Variants in EXD1 observed in about 807,000 individuals in gnomAD.
EXD1 encodes piRNA biogenesis protein EXD1.
A neutral mutation model predicts 49.1 loss-of-function variants in EXD1; 63 were observed. That is an observed-to-expected ratio of 1.28 (90% CI 1.05 to 1.58). The LOEUF is 1.58. EXD1 is among the 40% of genes most tolerant of loss of function. EXD1 has a pLI of 0.00. For synonymous variants in EXD1, 234 were observed against 239.2 expected, an observed-to-expected ratio of 0.98 and a Z score of 0.20; for missense variants, 748 against 666.0, an observed-to-expected ratio of 1.12 and a Z score of -1.36.
At chr15:41,204,180 G>A (rs186958156) in intron 7 of EXD1, among the ~76,000 whole-genome samples, 110 of 149,786 alleles carry the variant, frequency 7.3e-4, no homozygotes, top group African/African-American at 2.5e-3. Flanking sequence ...CCTGGGAGGC[G>A]GAGGTTGCAG....
chr15:41,214,290 C>T (rs1046770764), intron 6 of EXD1, among the ~76,000 whole-genome samples: 5 of 152,160 alleles, frequency 3.3e-5, no homozygotes, highest in Non-Finnish European at 5.9e-5. Context: ...ATAGGCAGAT[C>T]ACCTGAGGTC....
At chr15:41,208,951 T>C (rs1204121031) in intron 7 of EXD1, among the ~76,000 whole-genome samples, 9 of 151,060 alleles carry the variant, frequency 6.0e-5, no homozygotes. Flanking sequence ...ACAGCACTAA[T>C]GGCTTTAACA....
intron 1 of EXD1, among the ~76,000 whole-genome samples, chr15:41,229,321 T>C (rs1285735755): frequency 1.3e-5 from 2 of 151,814 alleles, no homozygotes; most frequent in African/African-American, 4.8e-5. Context: ...CTACTAAAAA[T>C]ACAAAAATTA....
intron 2 of EXD1, among the ~76,000 whole-genome samples, chr15:41,225,765 G>A (rs138648176): frequency 5.9e-5 from 9 of 151,870 alleles, no homozygotes; most frequent in African/African-American, 9.7e-5. Flanking sequence ...GTGTGTGCCC[G>A]TAATTCCAGC....
rs2047011584 is a variant in EXD1, at chr15:41,217,118, C to G, written c.239G>C (p.Arg80Thr). 3 of 1,612,416 alleles carry G rather than the reference C, an allele frequency of 1.9e-6. No individual in the cohort carries two copies. Among genetic ancestry groups the G allele is most frequent in the Non-Finnish European group, 2.5e-6 (3 of 1,179,886 alleles). ...LLDEVEQGSV[R>T]AKASSVSLHA... ...TTACCTAACAGAAGATGCTTTTGCT[C>G]TCACTGAGCCTTGTTCCACTTCATC... Residue 80 changes from arginine (R) to threonine (T), a missense_variant, in exon 4 of 12, where the codon AGA becomes ACA. Arg to Thr is a moderately conservative substitution (Grantham distance 71). Coordinates refer to ENST00000458580, the MANE Select transcript of EXD1 (RefSeq NM_001286441.2).
At chr15:41,203,920 A>AAAAAAAC (rs2046774994) in intron 7 of EXD1, among the ~76,000 whole-genome samples, 2 of 128,214 alleles carry the variant, frequency 1.6e-5, no homozygotes, top group African/African-American at 5.4e-5. Context: ...TCTCCTCAAA[A>AAAAAAAC]AAAAAAAAAA....
rs775248112 is a variant in EXD1 at position 41,189,972 on chromosome 15, G to A, written c.1021C>T (p.Arg341Cys). The A allele has an allele frequency of 1.4e-4, 218 of 1,613,946 alleles. 1 individual carries two copies. The highest frequency in any genetic ancestry group is 6.6e-4 in the Middle Eastern group (4 of 6,084). ...CCAAGCCGGTCTGCAGACCCTTCGCGATACGTGTTTAGGTAACCATCCACC... is the reference window on the plus strand; with the variant it reads ...CCAAGCCGGTCTGCAGACCCTTCGCAATACGTGTTTAGGTAACCATCCACC... ...TLVDGYLNTYREGSADRLGGT... is the reference protein window; with the variant it reads ...TLVDGYLNTYCEGSADRLGGT... Residue 341 changes from arginine to cysteine, a missense_variant, in exon 11 of 12, where the codon CGC becomes TGC. Coordinates refer to ENST00000458580, the MANE Select transcript of EXD1 (RefSeq NM_001286441.2).
chr15:41,189,942 T>G lies in EXD1; in HGVS notation c.1051A>C (p.Thr351Pro). The change falls in exon 11 of 12, where the codon ACT becomes CCT. Residue 351 changes from threonine to proline, a missense_variant. By Grantham distance (38) the Thr-to-Pro change is conservative. Coordinates refer to ENST00000458580, the MANE Select transcript of EXD1 (RefSeq NM_001286441.2). Reference sequence around the variant, plus strand: ...AGACAGAGAGCTGCACCTACCTCAGTGCCTCCAAGCCGGTCTGCAGACCCT... The same window carrying G: ...AGACAGAGAGCTGCACCTACCTCAGGGCCTCCAAGCCGGTCTGCAGACCCT... ...REGSADRLGG[T>P]EPTCMELPEE... The G allele has an allele frequency of 6.2e-7, 1 of 1,613,666 alleles. No individual in the cohort carries two copies. Among genetic ancestry groups the G allele is most frequent in the East Asian group, 2.2e-5 (1 of 44,854 alleles).
chr15:41,209,453 G>C, intron 7 of EXD1, 48 bp downstream of exon 7: 1 of 1,530,330 alleles, frequency 6.5e-7, no homozygotes, highest in Non-Finnish European at 8.9e-7. Context: ...AAATCTACCA[G>C]TGGCTCTATA....
intron 2 of EXD1, among the ~76,000 whole-genome samples, chr15:41,225,054 G>C (rs1486022598): frequency 6.6e-6 from 1 of 152,190 alleles, no homozygotes; most frequent in Non-Finnish European, 1.5e-5. Context: ...GAAGCTGAGA[G>C]TTGTAGAGGC....
At chr15:41,191,052 C>T (rs1040361547) in intron 10 of EXD1, among the ~76,000 whole-genome samples, 2 of 152,176 alleles carry the variant, frequency 1.3e-5, no homozygotes, top group African/African-American at 2.4e-5. Flanking sequence ...CTCAGCCTCC[C>T]GAGTAGCTGA....
chr15:41,207,018 A>G (rs1224824575), intron 7 of EXD1, among the ~76,000 whole-genome samples: 7 of 129,768 alleles, frequency 5.4e-5, no homozygotes, highest in Non-Finnish European at 6.4e-5. Flanking sequence ...CGAGGCGGGC[A>G]GATCACGAGG....
chr15:41,213,640 A>C (rs2046956226), intron 6 of EXD1, among the ~76,000 whole-genome samples: 1 of 151,872 alleles, frequency 6.6e-6, no homozygotes. Flanking sequence ...CTGGGATTAC[A>C]AGTGCCCACC....
In EXD1 at chr15:41,183,689, T is replaced by C. The variant is rs1031189767; in HGVS notation, c.*242A>G. The stretch of plus-strand genomic sequence containing the variant: ...ACCCAAATTATGAAAAATAATGCAC[T>C]CTGGTCACTGAGAACATTTCTACAC... On this transcript the variant is annotated 3_prime_UTR_variant, in exon 12 of 12. Coordinates refer to ENST00000458580, the MANE Select transcript of EXD1 (RefSeq NM_001286441.2). The C allele has an allele frequency of 5.2e-6, 2 of 386,286 alleles. No homozygotes were observed. The highest frequency in any genetic ancestry group is 9.1e-6 in the Non-Finnish European group (2 of 219,780). 23.9% of individuals were successfully genotyped at this position (386,286 alleles called of 1,614,324 possible).
At chr15:41,219,151 C>A (rs531238530) in intron 3 of EXD1, among the ~76,000 whole-genome samples, 1 of 152,316 alleles carries the variant, frequency 6.6e-6, no homozygotes, top group East Asian at 1.9e-4. Flanking sequence ...ATGAAGCACA[C>A]TGATGAGCTT....
chr15:41,201,933 G>A (rs1035098910), intron 7 of EXD1, among the ~76,000 whole-genome samples: 5 of 152,040 alleles, frequency 3.3e-5, no homozygotes, highest in East Asian at 3.9e-4. Flanking sequence ...TGGGAGGATC[G>A]CTTAAGGCCA....
chr15:41,216,741 T>TA lies in EXD1; in HGVS notation c.314dup (p.Cys106MetfsTer2), dbSNP rs764893350. The TA allele has an allele frequency of 6.2e-7, 1 of 1,613,916 alleles. No homozygotes were observed. Among genetic ancestry groups the TA allele is most frequent in the South Asian group, 1.1e-5 (1 of 91,066 alleles). The stretch of plus-strand genomic sequence containing the variant: ...CAGGGGCAGGAGAAGCAGGCTCACA[T>TA]ACATTTAGGTCTTCAACTTTCATTT... On this transcript the variant is annotated frameshift_variant, in exon 5 of 12. Coordinates refer to ENST00000458580, the MANE Select transcript of EXD1 (RefSeq NM_001286441.2). LOFTEE classifies it high-confidence loss of function.
chr15:41,188,086 A>G (rs970837782), intron 11 of EXD1, among the ~76,000 whole-genome samples: 3 of 151,928 alleles, frequency 2.0e-5, no homozygotes, highest in Non-Finnish European at 4.4e-5. Context: ...AAAGTGGTTT[A>G]TAACAGCAAC....
At chr15:41,188,644 G>A (rs142384468) in intron 11 of EXD1, among the ~76,000 whole-genome samples, 1,941 of 151,264 alleles carry the variant, frequency 0.013, 42 homozygotes, top group African/African-American at 0.045. Flanking sequence ...CACCAGCCTC[G>A]GCCTCCCAAA....
Sources: allele counts gnomAD v4.1 joint callset (sites outside exome capture counted in the v4.1 genomes callset), GRCh38; gene constraint gnomAD v4.1.1; transcripts MANE v1.5; gene names NCBI Gene and HGNC (gene_info 2026-07-23, HGNC 2026-07-21).